Variants in KMT2C observed in about 807,000 individuals in gnomAD.
KMT2C encodes lysine methyltransferase 2C, also known as histone-lysine N-methyltransferase 2C.
A neutral mutation model predicts 507.9 loss-of-function variants in KMT2C; 88 were observed. That is an observed-to-expected ratio of 0.17 (90% CI 0.15 to 0.21). The LOEUF is 0.21. Among genes scored for constraint, KMT2C ranks in the 10% least tolerant of loss-of-function variants. The probability of loss-of-function intolerance (pLI) is 1.00; values close to 1 mark genes in which losing one functional copy is unlikely to be tolerated. For missense variants in KMT2C, 4,954 were observed against 5,957.8 expected, an observed-to-expected ratio of 0.83 and a Z score of 5.55; for synonymous variants, 2,049 against 2,080.8, an observed-to-expected ratio of 0.98 and a Z score of 0.42.
chr7:152,141,164 C>T (rs2090488092), intron 55 of KMT2C, among the ~76,000 whole-genome samples: 1 of 152,002 alleles, frequency 6.6e-6, no homozygotes, highest in Non-Finnish European at 1.5e-5. Context: ...TGCTTGAGCC[C>T]CAGAGGCAGA....
At chr7:152,261,874 C>G (rs1588684811) in intron 9 of KMT2C, among the ~76,000 whole-genome samples, 1 of 152,138 alleles carries the variant, frequency 6.6e-6, no homozygotes, top group South Asian at 2.1e-4. Flanking sequence ...ATCTGAACTA[C>G]CTGAGGAAGC....
chr7:152,344,640 G>A (rs1398950808), intron 2 of KMT2C, among the ~76,000 whole-genome samples: 3 of 151,384 alleles, frequency 2.0e-5, no homozygotes, highest in African/African-American at 7.3e-5. Context: ...AAAAAAGAGA[G>A]AACTGTGCTA....
chr7:152,419,980 A>G (rs935071972), intron 1 of KMT2C, among the ~76,000 whole-genome samples: 3 of 152,222 alleles, frequency 2.0e-5, no homozygotes, highest in South Asian at 2.1e-4. Flanking sequence ...TTCCTCTGAG[A>G]TAAGTTCTTC....
Position 152,237,547 on chromosome 7 carries a change from G to A in KMT2C, c.2652+1160C>T, listed in dbSNP as rs543829858. 3.2e-4 allele frequency among the ~76,000 whole-genome samples: 48 copies of A among 152,288 alleles called. No homozygotes were observed. In the Middle Eastern group the frequency reaches 0.014, roughly 43 times the overall value. ...GAGTCTCGCTTCTTTGCCCAGGCTGGAGTGCAATGGTGCGATCTTGGCTCA... is the reference window on the plus strand; with the variant it reads ...GAGTCTCGCTTCTTTGCCCAGGCTGAAGTGCAATGGTGCGATCTTGGCTCA... On this transcript the variant is annotated intron_variant, in intron 15 of 58. Coordinates refer to ENST00000262189, the MANE Select transcript of KMT2C (RefSeq NM_170606.3).
At chr7:152,264,443 C>T (rs2095829808) in intron 8 of KMT2C, among the ~76,000 whole-genome samples, 1 of 152,124 alleles carries the variant, frequency 6.6e-6, no homozygotes. Flanking sequence ...AATATAACCC[C>T]CTTACAAATT....
intron 3 of KMT2C, among the ~76,000 whole-genome samples, chr7:152,325,814 T>G (rs1457899660): frequency 6.6e-6 from 1 of 152,188 alleles, no homozygotes; most frequent in Non-Finnish European, 1.5e-5. Context: ...CCCAAAGCAA[T>G]GAAGAAATTC....
chr7:152,177,371 A>G lies in KMT2C; in HGVS notation c.8082T>C (p.Pro2694=), dbSNP rs2093250364. ...GLEEKLDSDD[P]SVKELDVKDL... Reference sequence around the variant, plus strand: ...CTTTAACATCCAGTTCCTTCACAGAAGGGTCATCAGAATCAAGTTTTTCCT... The same window carrying G: ...CTTTAACATCCAGTTCCTTCACAGAGGGGTCATCAGAATCAAGTTTTTCCT... The change falls in exon 38 of 59, where the codon CCT becomes CCC. Residue 2694 remains proline (P), a synonymous_variant. Transcript: ENST00000262189. 1 of 1,614,090 alleles carries G rather than the reference A, an allele frequency of 6.2e-7. No homozygotes were observed. The highest frequency in any genetic ancestry group is 1.3e-5 in the African/African-American group (1 of 74,936).
intron 25 of KMT2C, among the ~76,000 whole-genome samples, chr7:152,203,521 A>C (rs995830258): frequency 5.9e-5 from 9 of 152,296 alleles, no homozygotes; most frequent in South Asian, 4.1e-4. Flanking sequence ...AATTTATTAT[A>C]AATTATTTGT....
At chr7:152,150,818 C>T in intron 51 of KMT2C, 82 bp downstream of exon 51, 1 of 939,480 alleles carries the variant, frequency 1.1e-6, no homozygotes, top group Non-Finnish European at 1.7e-6. Flanking sequence ...GGCAGGGACA[C>T]ATCTTTATTC....
At chr7:152,257,791 AAAG>A (rs956795142) in intron 9 of KMT2C, among the ~76,000 whole-genome samples, 43 of 152,184 alleles carry the variant, frequency 2.8e-4, no homozygotes, top group Middle Eastern at 3.4e-3. Context: ...GACCACACTG[AAAG>A]AAGAAGAATT....
At chr7:152,382,193 C>G (rs2097380256) in intron 1 of KMT2C, among the ~76,000 whole-genome samples, 1 of 152,152 alleles carries the variant, frequency 6.6e-6, no homozygotes, top group African/African-American at 2.4e-5. Flanking sequence ...CTTTCCAGAT[C>G]AGAGACATCA....
At chr7:152,371,107 T>C (rs1358611233) in intron 1 of KMT2C, among the ~76,000 whole-genome samples, 3 of 152,198 alleles carry the variant, frequency 2.0e-5, no homozygotes, top group Admixed American at 6.5e-5. Flanking sequence ...TTCAGAATAC[T>C]CCAATACTGT....
chr7:152,145,024 T>G (rs1587652508), intron 54 of KMT2C, 129 bp downstream of exon 54: 23 of 1,372,116 alleles, frequency 1.7e-5, no homozygotes, highest in East Asian at 4.7e-5. Context: ...CACGGCGAGT[T>G]CTCTTATGTA....
Position 152,255,142 on chromosome 7 carries a change from TATAC to T in KMT2C, c.1300-2431_1300-2428del, listed in dbSNP as rs1554583958. Among the ~76,000 whole-genome samples the T allele has an allele frequency of 3.7e-3, 469 of 126,274 alleles. 3 individuals carry two copies. The highest frequency in any genetic ancestry group is 0.014 in the African/African-American group (438 of 31,140). The allele number at this position is 126,274 out of a possible 152,430, so 82.8% of individuals were successfully genotyped here. A position where few individuals can be genotyped will look rare whatever the true frequency, so the allele number is the denominator to read the frequency against. On this transcript the variant is annotated intron_variant, in intron 9 of 58. Coordinates refer to ENST00000262189, the MANE Select transcript of KMT2C (RefSeq NM_170606.3). ...ATATATATATATATATATATATATA[TATAC>T]ATATATATATATGTGTGTGTGTGTG... is the stretch of plus-strand genomic sequence containing the variant.
intron 2 of KMT2C, among the ~76,000 whole-genome samples, chr7:152,351,406 TC>T (rs2097109832): frequency 6.6e-6 from 1 of 152,220 alleles, no homozygotes; most frequent in Non-Finnish European, 1.5e-5. Flanking sequence ...AGCTATGACA[TC>T]ATGACAGCTA....
intron 55 of KMT2C, among the ~76,000 whole-genome samples, chr7:152,143,420 C>G (rs1478405804): frequency 6.6e-6 from 1 of 152,238 alleles, no homozygotes; most frequent in African/African-American, 2.4e-5. Context: ...ACAGAAATTA[C>G]TCTCTGACAT....
Position 152,163,369 on chromosome 7 carries a change from C to T in KMT2C, c.10208G>A (p.Arg3403His), listed in dbSNP as rs771988433. The change falls in exon 43 of 59, where the codon CGT (arginine) becomes CAT (histidine). Residue 3403 changes from arginine to histidine, a missense_variant. By Grantham distance (29) the Arg-to-His change is conservative (BLOSUM62 0). Transcript: ENST00000262189. ...TTGTCTCTCTTGCTGTTCTCGTAAA[C>T]GTTCCTTACGTTCCCGTTCTTGAAA... ...ESFQERERKE[R>H]LREQQERQRI... is the part of the protein sequence containing the mutation. 5 of 1,614,190 alleles carry T rather than the reference C, an allele frequency of 3.1e-6. No individual in the cohort carries two copies. The highest frequency in any genetic ancestry group is 4.2e-6 in the Non-Finnish European group (5 of 1,180,038).
chr7:152,249,319 G>C (rs1359099385), intron 13 of KMT2C, among the ~76,000 whole-genome samples: 1 of 102,418 alleles, frequency 9.8e-6, no homozygotes, highest in Non-Finnish European at 1.8e-5. Context: ...AAATTTATCT[G>C]GTTTTTTTTT....
chr7:152,370,235 C>CTCCA (rs2097283853), intron 1 of KMT2C, among the ~76,000 whole-genome samples: 1 of 151,770 alleles, frequency 6.6e-6, no homozygotes, highest in South Asian at 2.1e-4. Flanking sequence ...GTATGAACAA[C>CTCCA]TCCACACACA....
Sources: gnomAD v4.1 joint callset for allele counts (sites outside exome capture counted in the v4.1 genomes callset) on GRCh38, gnomAD v4.1.1 for gene constraint, MANE v1.5 for transcripts, NCBI Gene and HGNC (gene_info 2026-07-23, HGNC 2026-07-21) for gene names.